STX2: variants seen among roughly 807,000 people sequenced by gnomAD.
STX2 encodes syntaxin 2, also known as syntaxin-2.
Under a neutral mutation model 40.6 loss-of-function variants are expected in STX2, and 27 were observed. The ratio of observed to expected loss-of-function variants is 0.66; its 90% confidence interval spans 0.49 to 0.92. STX2 has a LOEUF of 0.92. STX2 is among the 40% of genes least tolerant of loss of function. The pLI is 0.00. For missense variants in STX2, 328 were observed against 366.1 expected, an observed-to-expected ratio of 0.90 and a Z score of 0.85; for synonymous variants, 123 against 119.1, an observed-to-expected ratio of 1.03 and a Z score of -0.22.
intron 3 of STX2, among the ~76,000 whole-genome samples, chr12:130,819,001 A>G (rs1363638657): frequency 6.6e-6 from 1 of 150,942 alleles, no homozygotes; most frequent in East Asian, 1.9e-4. Flanking sequence ...GAAAAAAGAA[A>G]TAATACAAAA....
At chr12:130,837,789 C>A (rs1305040891) in intron 1 of STX2, among the ~76,000 whole-genome samples, 1 of 152,132 alleles carries the variant, frequency 6.6e-6, no homozygotes, top group African/African-American at 2.4e-5. Flanking sequence ...GGCAAGACAA[C>A]ACAACTATAA....
At chr12:130,798,733 T>C (rs1030019687) in intron 8 of STX2, 98 bp from the exon 9 acceptor site, 15 of 848,480 alleles carry the variant, frequency 1.8e-5, no homozygotes, top group East Asian at 1.7e-4. Flanking sequence ...ATAAACACGA[T>C]GTGCATGTAA....
chr12:130,821,887 T>C, intron 2 of STX2, 99 bp from the exon 3 acceptor site: 2 of 679,436 alleles, frequency 2.9e-6, no homozygotes, highest in Non-Finnish European at 5.0e-6. Context: ...AATAAATAAT[T>C]ACCACATAAG....
intron 2 of STX2, among the ~76,000 whole-genome samples, chr12:130,825,957 A>G (rs1272882657): frequency 6.6e-6 from 1 of 152,240 alleles, no homozygotes; most frequent in Non-Finnish European, 1.5e-5. Context: ...AGATCAGATA[A>G]TTCTTAGGTT....
chr12:130,801,934 T>C (rs1373464191), intron 6 of STX2, among the ~76,000 whole-genome samples: 1 of 152,236 alleles, frequency 6.6e-6, no homozygotes, highest in African/African-American at 2.4e-5. Flanking sequence ...TTGAGTTAAA[T>C]GTGTAATGAC....
In STX2 at chr12:130,806,993, T is replaced by G. The variant is rs769754494; in HGVS notation, c.452A>C (p.Gln151Pro). 1 of 1,613,658 alleles carries G rather than the reference T, an allele frequency of 6.2e-7. No homozygotes were observed. The highest frequency in any genetic ancestry group is 1.1e-5 in the South Asian group (1 of 91,064). The change falls in exon 6 of 11, where the codon CAG becomes CCG. Residue 151 changes from glutamine (Q) to proline (P), a missense_variant. Coordinates refer to ENST00000392373, the MANE Select transcript of STX2 (RefSeq NM_194356.4). ...TCTCCATTACTCACTTATCTCCAGC[T>G]GGCGCTGGATGCGGCCTTTGCTCCG... ...RERSKGRIQR[Q>P]LEITGRTTTD...
chr12:130,817,220 A>G (rs1951893675), intron 3 of STX2, among the ~76,000 whole-genome samples: 1 of 152,214 alleles, frequency 6.6e-6, no homozygotes, highest in Admixed American at 6.5e-5. Flanking sequence ...ATTACATTCA[A>G]AGAGATAAAA....
rs752976755 is a variant in STX2 at position 130,801,290 on chromosome 12, T to A, written c.538A>T (p.Ile180Phe). ...SGKPSIFTSD[I>F]ISDSQITRQA... ...CTAGTAATTTGTGAATCTGATATAATCTTGGAAAAACAAAAATAAAAGATA... is the reference window on the plus strand; with the variant it reads ...CTAGTAATTTGTGAATCTGATATAAACTTGGAAAAACAAAAATAAAAGATA... The change falls in exon 8 of 11, where the codon ATT (isoleucine) becomes TTT (phenylalanine). Residue 180 changes from isoleucine (I) to phenylalanine (F), a missense_variant and splice_region_variant. Physicochemically the swap from Ile to Phe is conservative, Grantham distance 21. Coordinates refer to ENST00000392373, the MANE Select transcript of STX2 (RefSeq NM_194356.4). 6 of 1,608,180 alleles carry A rather than the reference T, an allele frequency of 3.7e-6. No individual in the cohort carries two copies. The highest frequency in any genetic ancestry group is 5.1e-6 in the Non-Finnish European group (6 of 1,176,772).
intron 2 of STX2, among the ~76,000 whole-genome samples, chr12:130,826,846 C>CAAAAA (rs34678057): frequency 7.0e-6 from 1 of 143,626 alleles, no homozygotes; most frequent in Non-Finnish European, 1.5e-5. Context: ...ACTAAAAGTG[C>CAAAAA]AAAAAAAAAA....
In STX2 at chr12:130,803,793, T is replaced by G. The variant is rs1490311467; in HGVS notation, c.464-2305A>C. On this transcript the variant is annotated intron_variant, in intron 6 of 10. Coordinates refer to ENST00000392373, the MANE Select transcript of STX2 (RefSeq NM_194356.4). The stretch of plus-strand genomic sequence containing the variant: ...TGGGGTTACAGAATGTGAAATGCAG[T>G]ATACATTCGTAATTCCTTATCCAGA... Among the ~76,000 whole-genome samples the G allele has an allele frequency of 2.6e-5, 4 of 152,086 alleles. No homozygotes were observed. In the South Asian group the frequency reaches 8.3e-4, roughly 32 times the overall value.
intron 1 of STX2, among the ~76,000 whole-genome samples, chr12:130,829,467 T>C (rs1010740855): frequency 6.6e-6 from 1 of 152,146 alleles, no homozygotes; most frequent in Non-Finnish European, 1.5e-5. Flanking sequence ...AAGCACACTC[T>C]ACCCTGGGGG....
At chr12:130,818,151 G>GT (rs1951932991) in intron 3 of STX2, among the ~76,000 whole-genome samples, 2 of 115,306 alleles carry the variant, frequency 1.7e-5, no homozygotes, top group African/African-American at 7.7e-5. Flanking sequence ...GGGTAACACA[G>GT]TGAGAAACGC....
At position 130,791,647 on chromosome 12, in the gene STX2, C is replaced by T. The variant is rs767161393; in HGVS notation, c.*376G>A. ...GTTCAATATTTTCTTATTTCAAGGC[C>T]AGTGAGAGAAGTCTCACACTGCTCA... On this transcript the variant is annotated 3_prime_UTR_variant, in exon 11 of 11. Coordinates refer to ENST00000392373, the MANE Select transcript of STX2 (RefSeq NM_194356.4). The T allele has an allele frequency of 1.9e-4, 67 of 355,372 alleles. No individual in the cohort carries two copies. The highest frequency in any genetic ancestry group is 3.2e-4 in the Non-Finnish European group (64 of 198,536). The allele number at this position is 355,372 out of a possible 1,614,324, so 22.0% of individuals were successfully genotyped here.
At position 130,807,035 on chromosome 12, in the gene STX2, T is replaced by C. The variant is rs1951461972; in HGVS notation, c.410A>G (p.Gln137Arg). Residue 137 changes from glutamine to arginine, a missense_variant, in exon 6 of 11, where the codon CAG (glutamine) becomes CGG (arginine). Physicochemically the swap from Gln to Arg is conservative, Grantham distance 43. Transcript: ENST00000392373. Reference protein sequence around the residue: ...VEAMAEYNEAQTLFRERSKGR... With the variant: ...VEAMAEYNEARTLFRERSKGR... ...TTTGCTCCGCTCCCGAAACAGAGTC[T>C]GTGCCTCATTGTACTCCGCCATGGC... 6.2e-7 allele frequency: 1 copy of C among 1,614,140 alleles called. No homozygotes were observed. Among genetic ancestry groups the C allele is most frequent in the Non-Finnish European group, 8.5e-7 (1 of 1,180,054 alleles).
In STX2 at chr12:130,790,802, G is replaced by A. The variant is rs1281444055; in HGVS notation, c.*1221C>T. 1 of 152,598 alleles carries A rather than the reference G, an allele frequency of 6.6e-6. No homozygotes were observed. The allele number at this position is 152,598 out of a possible 1,614,324, so 9.5% of individuals were successfully genotyped here. ...TCCTATTTAGTGAAAAGAGACCACG[G>A]TCTTTACAGTGCAGTAACCATTCAT... On this transcript the variant is annotated 3_prime_UTR_variant, in exon 11 of 11. Coordinates refer to ENST00000392373, the MANE Select transcript of STX2 (RefSeq NM_194356.4).
At chr12:130,837,102 T>G (rs1214510100) in intron 1 of STX2, among the ~76,000 whole-genome samples, 1 of 148,544 alleles carries the variant, frequency 6.7e-6, no homozygotes, top group South Asian at 2.1e-4. Context: ...TCAATGACAT[T>G]GAGCTTTTTT....
intron 1 of STX2, among the ~76,000 whole-genome samples, chr12:130,828,876 A>AG (rs1342010196): frequency 2.7e-5 from 4 of 149,780 alleles, no homozygotes; most frequent in African/African-American, 1.0e-4. Flanking sequence ...TCAAAAAAAA[A>AG]AAAAAGAAAA....
rs1593100664 is a variant in STX2, at chr12:130,791,292, T to G, written c.*731A>C. ...ATCCCAGCACTTTGGGAGGCTGAGGTGGGTGGATCACAAGGTCAGGAGTTT... is the reference window on the plus strand; with the variant it reads ...ATCCCAGCACTTTGGGAGGCTGAGGGGGGTGGATCACAAGGTCAGGAGTTT... On this transcript the variant is annotated 3_prime_UTR_variant, in exon 11 of 11. Transcript: ENST00000392373. 6.6e-6 allele frequency: 1 copy of G among 151,940 alleles called. No individual in the cohort carries two copies. Among genetic ancestry groups the G allele is most frequent in the Non-Finnish European group, 1.5e-5 (1 of 67,976 alleles). The allele number at this position is 151,940 out of a possible 1,614,324, so 9.4% of individuals were successfully genotyped here. A position where few individuals can be genotyped will look rare whatever the true frequency, so the allele number is the denominator to read the frequency against.
intron 1 of STX2, among the ~76,000 whole-genome samples, chr12:130,827,476 G>A (rs968210756): frequency 1.3e-5 from 2 of 152,194 alleles, no homozygotes; most frequent in African/African-American, 4.8e-5. Flanking sequence ...CCAGAAGGTG[G>A]AAGACCTGGA....
Sources: gnomAD v4.1 joint callset for allele counts (sites outside exome capture counted in the v4.1 genomes callset) on GRCh38, gnomAD v4.1.1 for gene constraint, MANE v1.5 for transcripts, NCBI Gene and HGNC (gene_info 2026-07-23, HGNC 2026-07-21) for gene names.